Variants in PTPRD observed in about 807,000 individuals in gnomAD.
PTPRD encodes protein tyrosine phosphatase receptor type D.
A neutral mutation model predicts 214.5 loss-of-function variants in PTPRD; 34 were observed. The observed-to-expected ratio is 0.16, with a 90% CI of 0.12 to 0.21. PTPRD has a LOEUF of 0.21. PTPRD is among the 10% of genes least tolerant of loss of function. PTPRD has a pLI of 1.00. For synonymous variants in PTPRD, 1,128 were observed against 845.7 expected, an observed-to-expected ratio of 1.33 and a Z score of -5.79; for missense variants, 2,545 against 2,398.7, an observed-to-expected ratio of 1.06 and a Z score of -1.27.
At chr9:10,482,422 A>G (rs1346810257) in intron 2 of PTPRD, among the ~76,000 whole-genome samples, 2 of 151,938 alleles carry the variant, frequency 1.3e-5, no homozygotes, top group Admixed American at 1.3e-4. Context: ...ATAATATTAT[A>G]ACAATAATTA....
At chr9:10,372,125 G>C in intron 2 of PTPRD, among the ~76,000 whole-genome samples, 1 of 151,960 alleles carries the variant, frequency 6.6e-6, no homozygotes, top group East Asian at 1.9e-4. Context: ...GAAGGAGAAA[G>C]AGAATAATTT....
chr9:10,230,348 C>A (rs560725089), intron 3 of PTPRD, among the ~76,000 whole-genome samples: 2 of 151,964 alleles, frequency 1.3e-5, no homozygotes, highest in East Asian at 2.0e-4. Context: ...AATGTGTATC[C>A]TTGATATCTC....
chr9:9,134,148 C>T (rs1378459923), intron 10 of PTPRD, among the ~76,000 whole-genome samples: 1 of 144,114 alleles, frequency 6.9e-6, no homozygotes, highest in African/African-American at 2.7e-5. Flanking sequence ...TCTCGGCTCA[C>T]TGCAAGCTCC....
rs374138502 is a variant in PTPRD at position 10,105,636 on chromosome 9, T to G, written c.-544-71846A>C. 2.0e-5 allele frequency among the ~76,000 whole-genome samples: 3 copies of G among 152,020 alleles called. No homozygotes were observed. The East Asian group carries it at 5.8e-4, about 30-fold the overall frequency. On this transcript the variant is annotated intron_variant, in intron 3 of 45. Coordinates refer to ENST00000381196, the MANE Select transcript of PTPRD (RefSeq NM_002839.4). ...TCTCACTCCCTCTGCCAACCTGAAT[T>G]GGACCAGTTTACTATTTTCTAAAAA...
At chr9:9,439,068 T>C (rs2086464742) in intron 8 of PTPRD, among the ~76,000 whole-genome samples, 1 of 152,140 alleles carries the variant, frequency 6.6e-6, no homozygotes, top group African/African-American at 2.4e-5. Context: ...CCTCATCTCA[T>C]TCTCTTCTTC....
At chr9:9,441,232 G>A (rs917279240) in intron 8 of PTPRD, among the ~76,000 whole-genome samples, 1 of 152,126 alleles carries the variant, frequency 6.6e-6, no homozygotes, top group Admixed American at 6.6e-5. Context: ...TCCTCGAAGC[G>A]GTGTGGGAGG....
chr9:8,700,163 T>G (rs2098040712), intron 12 of PTPRD, among the ~76,000 whole-genome samples: 1 of 152,188 alleles, frequency 6.6e-6, no homozygotes, highest in African/African-American at 2.4e-5. Flanking sequence ...GCATGTGACA[T>G]TCTGCTGCTG....
chr9:8,472,011 G>A (rs2096662099), intron 30 of PTPRD, among the ~76,000 whole-genome samples: 1 of 152,080 alleles, frequency 6.6e-6, no homozygotes, highest in African/African-American at 2.4e-5. Context: ...TGCATAATCT[G>A]GTTTTGTCCT....
At chr9:9,749,296 A>C (rs2098490948) in intron 6 of PTPRD, among the ~76,000 whole-genome samples, 1 of 152,190 alleles carries the variant, frequency 6.6e-6, no homozygotes. Context: ...CAGGTTGGTA[A>C]GTTGGCTTAA....
At chr9:8,668,038 G>C (rs879805490) in intron 12 of PTPRD, among the ~76,000 whole-genome samples, 6 of 152,122 alleles carry the variant, frequency 3.9e-5, no homozygotes, top group Non-Finnish European at 8.8e-5. Flanking sequence ...GGTTAAGTTG[G>C]TCACTTTTAA....
intron 11 of PTPRD, among the ~76,000 whole-genome samples, chr9:8,867,763 T>C: frequency 6.6e-6 from 1 of 152,326 alleles, no homozygotes; most frequent in Middle Eastern, 3.4e-3. Flanking sequence ...TACTTGTTTT[T>C]CTCTTTTTCT....
chr9:9,432,634 C>T (rs754795434), intron 8 of PTPRD, among the ~76,000 whole-genome samples: 6 of 152,082 alleles, frequency 3.9e-5, no homozygotes, highest in Non-Finnish European at 8.8e-5. Flanking sequence ...ATGCCTCTGC[C>T]TAAGGGGAAA....
chr9:10,499,807 T>C (rs575465783), intron 2 of PTPRD, among the ~76,000 whole-genome samples: 3 of 152,028 alleles, frequency 2.0e-5, no homozygotes, highest in South Asian at 4.1e-4. Flanking sequence ...TTTTTCATAA[T>C]ATTTATTGTC....
chr9:9,614,610 T>C (rs1052880526), intron 7 of PTPRD, among the ~76,000 whole-genome samples: 6 of 152,214 alleles, frequency 3.9e-5, no homozygotes, highest in African/African-American at 1.4e-4. Flanking sequence ...TTTGATTCAA[T>C]AGACCGTAGC....
chr9:8,440,574 A>C (rs2095514766), intron 34 of PTPRD, among the ~76,000 whole-genome samples: 1 of 152,196 alleles, frequency 6.6e-6, no homozygotes, highest in South Asian at 2.1e-4. Flanking sequence ...CGGGCTCCCA[A>C]AGTGCTGGGA....
intron 3 of PTPRD, among the ~76,000 whole-genome samples, chr9:10,141,741 G>GA (rs1397612845): frequency 5.3e-5 from 8 of 151,932 alleles, no homozygotes; most frequent in African/African-American, 1.7e-4. Flanking sequence ...CACAGAATTG[G>GA]AAAAAACTAC....
chr9:10,500,040 T>C (rs1376568309), intron 2 of PTPRD, among the ~76,000 whole-genome samples: 1 of 140,496 alleles, frequency 7.1e-6, no homozygotes, highest in African/African-American at 2.6e-5. Flanking sequence ...ACCATGACCT[T>C]TTTCCAATAT....
chr9:8,402,434 G>C (rs897295757), intron 36 of PTPRD, among the ~76,000 whole-genome samples: 1 of 152,134 alleles, frequency 6.6e-6, no homozygotes, highest in African/African-American at 2.4e-5. Context: ...ATGACAAAGT[G>C]AGCAAAAGTA....
At chr9:9,831,918 C>T (rs2054986243) in intron 5 of PTPRD, among the ~76,000 whole-genome samples, 2 of 151,796 alleles carry the variant, frequency 1.3e-5, no homozygotes, top group Admixed American at 1.3e-4. Context: ...GGCTGGTTGG[C>T]AAAAATGTGG....
Sources: gnomAD v4.1 joint callset for allele counts (sites outside exome capture counted in the v4.1 genomes callset) on GRCh38, gnomAD v4.1.1 for gene constraint, MANE v1.5 for transcripts, NCBI Gene and HGNC (gene_info 2026-07-23, HGNC 2026-07-21) for gene names.